ZNF704: variants seen among roughly 807,000 people sequenced by gnomAD.
The protein encoded by ZNF704 is zinc finger protein 704.
A neutral mutation model predicts 44.7 loss-of-function variants in ZNF704; 10 were observed. The ratio of observed to expected loss-of-function variants is 0.22; its 90% CI spans 0.14 to 0.38. ZNF704 has a LOEUF of 0.38. ZNF704 is among the 10% of genes least tolerant of loss of function. ZNF704 has a pLI of 1.00. For synonymous variants in ZNF704, 211 were observed against 207.6 expected (o/e 1.02, Z -0.14); for missense variants, 390 against 545.5 (o/e 0.71, Z 2.84).
At chr8:80,647,160 C>G (rs953454639) in intron 7 of ZNF704, among the ~76,000 whole-genome samples, 1 of 152,196 alleles carries the variant, frequency 6.6e-6, no homozygotes, top group African/African-American at 2.4e-5. Context: ...AGTGAGAAGA[C>G]AGACAATAAA....
intron 2 of ZNF704, among the ~76,000 whole-genome samples, chr8:80,748,894 C>G (rs1452004053): frequency 6.6e-6 from 1 of 152,174 alleles, no homozygotes; most frequent in Non-Finnish European, 1.5e-5. Flanking sequence ...AGGAGAAACG[C>G]AGAAATTCCA....
intron 2 of ZNF704, among the ~76,000 whole-genome samples, chr8:80,807,202 A>G (rs553651571): frequency 4.5e-4 from 68 of 152,282 alleles, no homozygotes; most frequent in African/African-American, 1.6e-3. Flanking sequence ...AACATCATGC[A>G]CATCAATAAC....
chr8:80,734,431 T>C (rs956105303), intron 2 of ZNF704, among the ~76,000 whole-genome samples: 2 of 152,230 alleles, frequency 1.3e-5, no homozygotes, highest in East Asian at 3.8e-4. Flanking sequence ...AAGTCTTATA[T>C]TTGAAGTACT....
chr8:80,826,254 C>T (rs1022024978), intron 1 of ZNF704, among the ~76,000 whole-genome samples: 4 of 151,930 alleles, frequency 2.6e-5, no homozygotes, highest in African/African-American at 4.8e-5. Context: ...ATATCACCAC[C>T]GATCCCACAG....
In ZNF704 at chr8:80,792,279, C is replaced by A. The variant is rs139983169; in HGVS notation, c.221+29095G>T. ...CTGCTGTTAGAAATGCAAATTTGAA[C>A]AACTTCTGGCAAAAGACATTAGAAC... On this transcript the variant is annotated intron_variant, in intron 2 of 8. Coordinates refer to ENST00000327835, the MANE Select transcript of ZNF704 (RefSeq NM_001033723.3). Among the ~76,000 whole-genome samples, 693 of 152,228 alleles carry A rather than the reference C, an allele frequency of 4.6e-3. 8 individuals are homozygous for A. The highest frequency in any genetic ancestry group is 0.016 in the African/African-American group (663 of 41,538).
Position 80,664,833 on chromosome 8 carries a change from G to A in ZNF704, c.909C>T (p.His303=). 1 of 1,614,214 alleles carries A rather than the reference G, an allele frequency of 6.2e-7. No individual in the cohort carries two copies. Among genetic ancestry groups the A allele is most frequent in the Non-Finnish European group, 8.5e-7 (1 of 1,180,044 alleles). The change falls in exon 6 of 9, where the codon CAC becomes CAT. Residue 303 remains histidine (H), a synonymous_variant. Coordinates refer to ENST00000327835, the MANE Select transcript of ZNF704 (RefSeq NM_001033723.3). ...RSAPTTLYLV[H]TDHAYQATPP... is the part of the protein sequence containing the mutation. ...AAGTCACCTGGTAAGCATGGTCAGTGTGCACGAGGTAGAGGGTGGTGGGAG... is the reference window on the plus strand; with the variant it reads ...AAGTCACCTGGTAAGCATGGTCAGTATGCACGAGGTAGAGGGTGGTGGGAG...
intron 5 of ZNF704, among the ~76,000 whole-genome samples, chr8:80,667,509 G>T (rs367808231): frequency 6.6e-6 from 1 of 152,168 alleles, no homozygotes; most frequent in Non-Finnish European, 1.5e-5. Context: ...TTAGTGCTCT[G>T]TGCTCCCTCT....
intron 2 of ZNF704, among the ~76,000 whole-genome samples, chr8:80,781,083 A>T (rs1339169606): frequency 3.9e-5 from 6 of 152,148 alleles, no homozygotes; most frequent in Non-Finnish European, 5.9e-5. Flanking sequence ...CCTTTCCCAT[A>T]TCCTTAGCTC....
At chr8:80,672,148 C>CA (rs1000190483) in intron 4 of ZNF704, among the ~76,000 whole-genome samples, 5 of 151,456 alleles carry the variant, frequency 3.3e-5, no homozygotes, top group Admixed American at 6.6e-5. Flanking sequence ...TACAAGTGGC[C>CA]AAAAAAATAG....
intron 2 of ZNF704, among the ~76,000 whole-genome samples, chr8:80,736,679 C>T (rs562134032): frequency 1.3e-5 from 2 of 152,216 alleles, no homozygotes; most frequent in East Asian, 1.9e-4. Flanking sequence ...ATACAATGGA[C>T]TTTGGGGACT....
At chr8:80,696,641 C>T (rs923865918) in intron 2 of ZNF704, among the ~76,000 whole-genome samples, 13 of 152,220 alleles carry the variant, frequency 8.5e-5, no homozygotes, top group Non-Finnish European at 1.5e-4. Flanking sequence ...TGGTCTCAAA[C>T]TCCTGACCTC....
intron 2 of ZNF704, among the ~76,000 whole-genome samples, chr8:80,777,409 T>C (rs1481953468): frequency 6.6e-6 from 1 of 152,222 alleles, no homozygotes; most frequent in Non-Finnish European, 1.5e-5. Flanking sequence ...CTGCTTGTTG[T>C]TATTTTTGAA....
chr8:80,752,839 C>A (rs928005264), intron 2 of ZNF704, among the ~76,000 whole-genome samples: 2 of 152,090 alleles, frequency 1.3e-5, no homozygotes, highest in Non-Finnish European at 1.5e-5. Context: ...CCGCGCCTGG[C>A]CAAAAAAATA....
chr8:80,832,432 C>T (rs1808486363), intron 1 of ZNF704, among the ~76,000 whole-genome samples: 1 of 152,154 alleles, frequency 6.6e-6, no homozygotes, highest in South Asian at 2.1e-4. Flanking sequence ...ATCCTTCCTT[C>T]TGCCTACACT....
At chr8:80,861,461 C>T (rs58163247) in intron 1 of ZNF704, among the ~76,000 whole-genome samples, 10,554 of 152,078 alleles carry the variant, frequency 0.069, 382 homozygotes, top group Non-Finnish European at 0.076. Flanking sequence ...CTAATGGGTA[C>T]GGGGTATCTT....
chr8:80,735,337 C>T (rs1750804104), intron 2 of ZNF704, among the ~76,000 whole-genome samples: 2 of 152,200 alleles, frequency 1.3e-5, no homozygotes, highest in African/African-American at 4.8e-5. Context: ...CCTTCTCCTA[C>T]ACATCTTTTC....
chr8:80,804,917 G>A (rs1405785607), intron 2 of ZNF704, among the ~76,000 whole-genome samples: 1 of 152,102 alleles, frequency 6.6e-6, no homozygotes, highest in East Asian at 1.9e-4. Flanking sequence ...ATCATAGATT[G>A]GTGGGGTGAG....
chr8:80,821,693 A>T (rs1808274513), intron 1 of ZNF704, 78 bp from the exon 2 acceptor site: 2 of 1,042,192 alleles, frequency 1.9e-6, no homozygotes, highest in Non-Finnish European at 2.9e-6. Context: ...CGGTGAGGAG[A>T]GATTACAGAC....
chr8:80,866,630 G>T (rs1165830455), intron 1 of ZNF704, among the ~76,000 whole-genome samples: 3 of 152,228 alleles, frequency 2.0e-5, no homozygotes, highest in Admixed American at 6.5e-5. Flanking sequence ...TAACAAGGCT[G>T]ATTGTTTCAG....
Sources: allele counts gnomAD v4.1 joint callset (sites outside exome capture counted in the v4.1 genomes callset), GRCh38; gene constraint gnomAD v4.1.1; transcripts MANE v1.5; gene names NCBI Gene and HGNC (gene_info 2026-07-23, HGNC 2026-07-21).